The following CEP78 variants were observed in gnomAD, a reference collection of about 807,000 sequenced individuals.
The protein encoded by CEP78 is centrosomal protein 78.
Under a neutral mutation model 81.2 loss-of-function variants are expected in CEP78, and 76 were observed. That is an observed-to-expected ratio of 0.94 (90% CI 0.78 to 1.13). The LOEUF is 1.13. Ranked by LOEUF, CEP78 falls within the 50% of genes most tolerant of loss-of-function variation. The probability of loss-of-function intolerance (pLI) is 0.00; values close to 1 mark genes in which losing one functional copy is unlikely to be tolerated. For synonymous variants in CEP78, 293 were observed against 301.4 expected, an observed-to-expected ratio of 0.97 and a Z score of 0.29; for missense variants, 918 against 846.8, an observed-to-expected ratio of 1.08 and a Z score of -1.04.
chr9:78,243,653 T>C lies in CEP78; in HGVS notation c.778+17T>C. 1 of 1,605,694 alleles carries C rather than the reference T, an allele frequency of 6.2e-7. No homozygotes were observed. The highest frequency in any genetic ancestry group is 2.2e-5 in the East Asian group (1 of 44,706). Reference sequence around the variant, plus strand: ...GGCTGAGAGGTAAGTTAAATGAACTTGTAAGGTGGAAAATATTGAATTTTT... The same window carrying C: ...GGCTGAGAGGTAAGTTAAATGAACTCGTAAGGTGGAAAATATTGAATTTTT... On this transcript the variant is annotated intron_variant, in intron 5 of 16. Transcript: ENST00000643273.
chr9:78,248,435 G>A, intron 7 of CEP78, 80 bp downstream of exon 7: 2 of 915,426 alleles, frequency 2.2e-6, no homozygotes, highest in Non-Finnish European at 3.5e-6. Context: ...TGCCCAGCCT[G>A]GCCTCAAACT....
chr9:78,246,312 A>G (rs976783326), intron 5 of CEP78, among the ~76,000 whole-genome samples: 11 of 152,132 alleles, frequency 7.2e-5, no homozygotes, highest in Non-Finnish European at 1.2e-4. Flanking sequence ...AAATCTGTAT[A>G]GAATTGGCCG....
chr9:78,239,024 A>G (rs1295943604), intron 1 of CEP78, among the ~76,000 whole-genome samples: 1 of 151,746 alleles, frequency 6.6e-6, no homozygotes, highest in Non-Finnish European at 1.5e-5. Context: ...AAAACCAGGA[A>G]CCAAAATAAA....
intron 16 of CEP78, among the ~76,000 whole-genome samples, chr9:78,268,923 T>C (rs1827631444): frequency 6.6e-6 from 1 of 152,156 alleles, no homozygotes; most frequent in African/African-American, 2.4e-5. Context: ...CCCAAAGTGC[T>C]GGGATTACAG....
intron 16 of CEP78, among the ~76,000 whole-genome samples, chr9:78,268,377 G>A (rs12006219): frequency 0.093 from 14,177 of 152,192 alleles, 758 homozygotes; most frequent in African/African-American, 0.14. Context: ...GTCGCTCAAG[G>A]AGGCAGCTAG....
chr9:78,236,563 C>T lies in CEP78; in HGVS notation c.213C>T (p.Val71=). 1 of 1,580,174 alleles carries T rather than the reference C, an allele frequency of 6.3e-7. No individual in the cohort carries two copies. Among genetic ancestry groups the T allele is most frequent in the Non-Finnish European group, 8.6e-7 (1 of 1,163,116 alleles). Residue 71 remains valine, a synonymous_variant, in exon 1 of 17, where the codon GTC becomes GTT. Transcript: ENST00000643273. ...TLKINKDLPL[V]SIKSFFQPWL... ...AGATCAATAAAGACCTGCCCTTGGT[C>T]TCCATCAAGAGCTTCTTCCAGCCCT...
At chr9:78,256,138 T>C (rs1466917069) in intron 11 of CEP78, among the ~76,000 whole-genome samples, 2 of 152,218 alleles carry the variant, frequency 1.3e-5, no homozygotes, top group Non-Finnish European at 2.9e-5. Context: ...ATGAAACCGA[T>C]GCAGTAGAAC....
intron 11 of CEP78, among the ~76,000 whole-genome samples, chr9:78,256,176 A>G (rs1827014434): frequency 6.6e-6 from 1 of 152,242 alleles, no homozygotes; most frequent in African/African-American, 2.4e-5. Flanking sequence ...TAGAATATAC[A>G]CAGGGGAAGC....
rs1425190997 is a variant in CEP78, at chr9:78,271,467, T to A, written c.*616T>A. The A allele has an allele frequency of 6.6e-6, 1 of 152,134 alleles. No individual in the cohort carries two copies. The highest frequency in any genetic ancestry group is 2.4e-5 in the African/African-American group (1 of 41,444). 9.4% of individuals were successfully genotyped at this position (152,134 alleles called of 1,614,324 possible). ...GATACTGTGTTCATAAAGAATAGGA[T>A]GCCATGAAAAAAATATTTAGAGTTT... On this transcript the variant is annotated 3_prime_UTR_variant, in exon 17 of 17. Coordinates refer to ENST00000643273, the MANE Select transcript of CEP78 (RefSeq NM_001330691.3).
chr9:78,265,526 C>A lies in CEP78; in HGVS notation c.1780C>A (p.Gln594Lys), dbSNP rs61730342. 6,831 of 1,569,830 alleles carry A rather than the reference C, an allele frequency of 4.4e-3. 19 individuals carry two copies. Among genetic ancestry groups the A allele is most frequent in the Non-Finnish European group, 5.4e-3 (6,193 of 1,157,164 alleles). The part of the protein sequence containing the change: ...KPEPKQNALG[Q>K]MQNIQVSICM... ...AGAACCGAAGCAGAATGCCCTAGGG[C>A]AAATGCAAAATATCCAGGTAAATGA... is the stretch of plus-strand genomic sequence containing the variant. Residue 594 changes from glutamine to lysine, a missense_variant, in exon 14 of 17, where the codon CAA becomes AAA. Transcript: ENST00000643273.
At chr9:78,257,217 C>A (rs1401130802) in intron 11 of CEP78, among the ~76,000 whole-genome samples, 1 of 152,004 alleles carries the variant, frequency 6.6e-6, no homozygotes, top group Non-Finnish European at 1.5e-5. Flanking sequence ...GAGAAAAATA[C>A]CGGTCACTTA....
intron 1 of CEP78, among the ~76,000 whole-genome samples, chr9:78,237,993 C>T (rs1330326648): frequency 1.4e-5 from 2 of 146,622 alleles, no homozygotes; most frequent in African/African-American, 2.5e-5. Context: ...GGCGTGGTGG[C>T]GGGCACCTGT....
chr9:78,248,746 A>G lies in CEP78; in HGVS notation c.958-16A>G, dbSNP rs2118250389. 1 of 1,325,526 alleles carries G rather than the reference A, an allele frequency of 7.5e-7. No individual in the cohort carries two copies. Among genetic ancestry groups the G allele is most frequent in the Non-Finnish European group, 1.1e-6 (1 of 944,478 alleles). 82.1% of individuals were successfully genotyped at this position (1,325,526 alleles called of 1,614,324 possible). A position where few individuals can be genotyped will look rare whatever the true frequency, so the allele number is the denominator to read the frequency against. ...GATCTGTAACTGAAATATAGTGTTTATTCTGTCTCTTTTAGTACCAGTGGA... is the reference window on the plus strand; with the variant it reads ...GATCTGTAACTGAAATATAGTGTTTGTTCTGTCTCTTTTAGTACCAGTGGA... On this transcript the variant is annotated splice_polypyrimidine_tract_variant and intron_variant, in intron 7 of 16. Coordinates refer to ENST00000643273, the MANE Select transcript of CEP78 (RefSeq NM_001330691.3).
At chr9:78,245,289 C>T (rs115704366) in intron 5 of CEP78, among the ~76,000 whole-genome samples, 4 of 151,934 alleles carry the variant, frequency 2.6e-5, no homozygotes, top group African/African-American at 4.8e-5. Context: ...TTCTGGAGTC[C>T]GAGAAGCCCA....
intron 6 of CEP78, among the ~76,000 whole-genome samples, chr9:78,247,732 T>G (rs1398749261): frequency 6.6e-6 from 1 of 152,116 alleles, no homozygotes; most frequent in Non-Finnish European, 1.5e-5. Context: ...TGGTTCAAGT[T>G]AGAGATGGCT....
Position 78,240,146 on chromosome 9 carries a change from A to T in CEP78, c.377A>T (p.Glu126Val). 5 of 1,594,014 alleles carry T rather than the reference A, an allele frequency of 3.1e-6. No individual in the cohort carries two copies. In the South Asian group the frequency reaches 3.4e-5, roughly 11 times the overall value. ...ATATCAAGTGTGCTAAAGAACCTGG[A>T]GCTAAATGGACTAATTCTGAGAGAG... ...LSISSVLKNLELNGLILRERD... is the reference protein window; with the variant it reads ...LSISSVLKNLVLNGLILRERD... The change falls in exon 2 of 17, where the codon GAG becomes GTG. Residue 126 changes from glutamate to valine, a missense_variant. By Grantham distance (121) the Glu-to-Val change is moderately radical (BLOSUM62 -2). Transcript: ENST00000643273.
chr9:78,253,268 T>G lies in CEP78; in HGVS notation c.1242T>G (p.Asn414Lys). ...TAATCAAAACACGTGATATATGTAA[T>G]CAGTTGCAGGTACGTAGTTACCATG... ...FPLIKTRDIC[N>K]QLQQPGFPVT... Residue 414 changes from asparagine to lysine, a missense_variant, in exon 10 of 17, where the codon AAT becomes AAG. Transcript: ENST00000643273. 1.5e-6 allele frequency: 2 copies of G among 1,362,444 alleles called. No individual in the cohort carries two copies. The highest frequency in any genetic ancestry group is 2.1e-6 in the Non-Finnish European group (2 of 963,302). The allele number at this position is 1,362,444 out of a possible 1,614,324, so 84.4% of individuals were successfully genotyped here.
chr9:78,255,345 T>A (rs2118348833), intron 11 of CEP78, among the ~76,000 whole-genome samples: 1 of 152,318 alleles, frequency 6.6e-6, no homozygotes, highest in Non-Finnish European at 1.5e-5. Flanking sequence ...AAGTCCACAA[T>A]TAATTTTTAA....
intron 6 of CEP78, 39 bp from the exon 7 acceptor site, chr9:78,248,252 G>T: frequency 8.9e-7 from 1 of 1,127,538 alleles, no homozygotes; most frequent in Non-Finnish European, 1.3e-6. Flanking sequence ...CACTCATTGG[G>T]AAATAATTAC....
Sources: gnomAD v4.1 joint callset for allele counts (sites outside exome capture counted in the v4.1 genomes callset) on GRCh38, gnomAD v4.1.1 for gene constraint, MANE v1.5 for transcripts, NCBI Gene and HGNC (gene_info 2026-07-23, HGNC 2026-07-21) for gene names.